MTMR3: variants seen among roughly 807,000 people sequenced by gnomAD.
The protein encoded by MTMR3 is phosphatidylinositol-3,5-bisphosphate 3-phosphatase MTMR3.
In MTMR3, 32 loss-of-function variants were observed where a neutral mutation model predicts 132.4. That is an observed-to-expected ratio of 0.24 (90% CI 0.18 to 0.32). MTMR3 has a LOEUF of 0.32. MTMR3 is among the 10% of genes least tolerant of loss of function. MTMR3 has a pLI of 1.00. For missense variants in MTMR3, 1,216 were observed against 1,489.6 expected (o/e 0.82, Z 3.02); for synonymous variants, 556 against 550.3 (o/e 1.01, Z -0.14).
At chr22:29,958,983 G>A (rs73883345) in intron 2 of MTMR3, among the ~76,000 whole-genome samples, 24,435 of 152,174 alleles carry the variant, frequency 0.16, 2,070 homozygotes, top group South Asian at 0.24. Flanking sequence ...TATAGTGGAG[G>A]ATCATAGGGT....
At chr22:29,963,884 A>G (rs370410636) in intron 2 of MTMR3, among the ~76,000 whole-genome samples, 1 of 151,674 alleles carries the variant, frequency 6.6e-6, no homozygotes, top group Non-Finnish European at 1.5e-5. Flanking sequence ...TACGTGCTTC[A>G]AAATAGCCCA....
intron 5 of MTMR3, chr22:29,984,239 T>G (rs1025456479): frequency 2.6e-5 from 4 of 152,180 alleles, no homozygotes; most frequent in African/African-American, 9.7e-5. Context: ...TGTACAAGAT[T>G]AGTACTTCCC....
Position 30,026,045 on chromosome 22 carries a change from T to C in MTMR3, c.*244T>C. On this transcript the variant is annotated 3_prime_UTR_variant, in exon 20 of 20. Transcript: ENST00000401950. Reference sequence around the variant, plus strand: ...AAAAGGAAACTTTCCCTTGGTTGTCTTAATTTTTTTTTTTTTTGATGGAAG... The same window carrying C: ...AAAAGGAAACTTTCCCTTGGTTGTCCTAATTTTTTTTTTTTTTGATGGAAG... 2.2e-6 allele frequency: 1 copy of C among 445,548 alleles called. No homozygotes were observed. Among genetic ancestry groups the C allele is most frequent in the Non-Finnish European group, 4.0e-6 (1 of 252,156 alleles). 27.6% of individuals were successfully genotyped at this position (445,548 alleles called of 1,614,324 possible). A position where few individuals can be genotyped will look rare whatever the true frequency, so the allele number is the denominator to read the frequency against.
chr22:29,909,162 G>A (rs1387037388), intron 1 of MTMR3, among the ~76,000 whole-genome samples: 1 of 151,726 alleles, frequency 6.6e-6, no homozygotes, highest in East Asian at 1.9e-4. Flanking sequence ...GAGTATTGCC[G>A]TATTGCCCAG....
rs1292550674 is a variant in MTMR3 at position 29,998,674 on chromosome 22, CAT to C, written c.461-84_461-83del. 10 of 713,522 alleles carry C rather than the reference CAT, an allele frequency of 1.4e-5. No individual in the cohort carries two copies. In the Admixed American group the frequency reaches 2.4e-4, roughly 17 times the overall value. 44.2% of individuals were successfully genotyped at this position (713,522 alleles called of 1,614,324 possible). ...TATATATATATTTACATATATGTAA[CAT>C]ATGTATATTTCTTTGTTTTTATTCC... On this transcript the variant is annotated intron_variant, in intron 7 of 19. Transcript: ENST00000401950.
Position 29,914,351 on chromosome 22 carries a change from C to G in MTMR3, c.-138+30992C>G, listed in dbSNP as rs142487246. Among the ~76,000 whole-genome samples the G allele has an allele frequency of 6.7e-3, 1,020 of 152,228 alleles. 17 individuals carry two copies. The highest frequency in any genetic ancestry group is 0.024 in the African/African-American group (981 of 41,542). ...GTTTTAGTTTGTAATTTCCAGATGACTAATGATGATTATCTTTTCATGTGC... is the reference window on the plus strand; with the variant it reads ...GTTTTAGTTTGTAATTTCCAGATGAGTAATGATGATTATCTTTTCATGTGC... On this transcript the variant is annotated intron_variant, in intron 1 of 19. Coordinates refer to ENST00000401950, the MANE Select transcript of MTMR3 (RefSeq NM_021090.4).
intron 5 of MTMR3, chr22:29,984,770 G>A (rs1406256871): frequency 6.6e-6 from 1 of 152,200 alleles, no homozygotes. Context: ...CATCTGAGGA[G>A]TTTTGATTTA....
chr22:30,009,460 A>G (rs192185122), intron 12 of MTMR3: 437 of 229,902 alleles, frequency 1.9e-3, no homozygotes, highest in African/African-American at 9.3e-3. Context: ...TTTTAGCCCA[A>G]AGAAATTTAA....
chr22:30,014,205 C>G, intron 14 of MTMR3: 1 of 149,156 alleles, frequency 6.7e-6, no homozygotes, highest in South Asian at 2.1e-4. Context: ...TCTTTCCACT[C>G]TCTCTTAAAC....
intron 5 of MTMR3, chr22:29,984,563 GAT>G (rs1362791171): frequency 6.6e-6 from 1 of 152,218 alleles, no homozygotes; most frequent in African/African-American, 2.4e-5. Context: ...GAATGTGTTT[GAT>G]GCATTGTTTG....
At chr22:30,013,605 C>A in intron 14 of MTMR3, 64 bp downstream of exon 14, 2 of 1,468,010 alleles carry the variant, frequency 1.4e-6, no homozygotes, top group South Asian at 1.2e-5. Flanking sequence ...TGTTAGTGGG[C>A]CAGTTCTCAC....
intron 1 of MTMR3, among the ~76,000 whole-genome samples, chr22:29,901,325 C>T (rs1350332866): frequency 4.0e-5 from 6 of 151,630 alleles, no homozygotes; most frequent in Admixed American, 1.3e-4. Context: ...AATTTTTAGG[C>T]GAAATGTTAA....
intron 18 of MTMR3, chr22:30,022,373 A>G: frequency 1.6e-6 from 1 of 606,546 alleles, no homozygotes; most frequent in South Asian, 2.0e-5. Flanking sequence ...GAGCCTTGCC[A>G]GCTCTCACAG....
Position 30,024,575 on chromosome 22 carries a change from T to A in MTMR3, c.3426-1055T>A, listed in dbSNP as rs1338954690. 3.3e-5 allele frequency: 5 copies of A among 152,248 alleles called. No individual in the cohort carries two copies. The East Asian group carries it at 9.6e-4, about 29-fold the overall frequency. 9.4% of individuals were successfully genotyped at this position (152,248 alleles called of 1,614,324 possible). ...AACTGGTCTTAGTCTTCTCTCCTCC[T>A]GTGCCTAAGTGATCCTTAATCCAGC... On this transcript the variant is annotated intron_variant, in intron 19 of 19. Coordinates refer to ENST00000401950, the MANE Select transcript of MTMR3 (RefSeq NM_021090.4).
intron 5 of MTMR3, chr22:29,979,881 G>A (rs1375921266): frequency 1.3e-5 from 2 of 152,154 alleles, no homozygotes; most frequent in Non-Finnish European, 2.9e-5. Context: ...AGAAAAGGAA[G>A]CCTCTTGATT....
chr22:29,914,454 T>A (rs1420718979), intron 1 of MTMR3, among the ~76,000 whole-genome samples: 4 of 152,236 alleles, frequency 2.6e-5, no homozygotes, highest in African/African-American at 4.8e-5. Context: ...TTTTTGTTTA[T>A]TGTGAGTTCA....
rs200872332 is a variant in MTMR3, at chr22:30,020,835, A to G, written c.3176A>G (p.Gln1059Arg). The G allele has an allele frequency of 1.2e-6, 2 of 1,609,112 alleles. No homozygotes were observed. Among genetic ancestry groups the G allele is most frequent in the East Asian group, 2.2e-5 (1 of 44,734 alleles). Residue 1059 changes from glutamine (Q) to arginine (R), a missense_variant, in exon 17 of 20, where the codon CAG (glutamine) becomes CGG (arginine). Transcript: ENST00000401950. ...VQELKSRLES[Q>R]YLTSSLHFNG... ...GAGCTGAAGAGTCGCCTGGAGAGCC[A>G]GTACCTGACCAGCTCCCTACACTTT...
chr22:29,927,891 C>T (rs1237050546), intron 1 of MTMR3, among the ~76,000 whole-genome samples: 1 of 150,122 alleles, frequency 6.7e-6, no homozygotes, highest in Non-Finnish European at 1.5e-5. Context: ...ATCATGACTA[C>T]ATATCCTTGT....
intron 1 of MTMR3, among the ~76,000 whole-genome samples, chr22:29,936,984 G>A (rs2065761871): frequency 6.6e-6 from 1 of 152,098 alleles, no homozygotes. Context: ...TTGAGTTTTA[G>A]ATATAAAGGC....
Sources: allele counts gnomAD v4.1 joint callset (sites outside exome capture counted in the v4.1 genomes callset), GRCh38; gene constraint gnomAD v4.1.1; transcripts MANE v1.5; gene names NCBI Gene and HGNC (gene_info 2026-07-23, HGNC 2026-07-21).